Variants in TRMT13 observed in about 807,000 individuals in gnomAD.
TRMT13 encodes the protein tRNA:m(4)X modification enzyme TRM13 homolog.
A neutral mutation model predicts 55.9 loss-of-function variants in TRMT13; 45 were observed. The observed-to-expected ratio is 0.80, with a 90% confidence interval of 0.63 to 1.03. The LOEUF (loss-of-function observed/expected upper bound fraction) is 1.03. TRMT13 is among the 50% of genes least tolerant of loss of function. The pLI, the probability that TRMT13 is intolerant of heterozygous loss-of-function variation, is 0.00. For missense variants in TRMT13, 513 were observed against 563.9 expected (o/e 0.91, Z 0.91); for synonymous variants, 183 against 196.3 (o/e 0.93, Z 0.57).
chr1:100,144,343 T>C, intron 9 of TRMT13, 200 bp downstream of exon 9: 1 of 488,932 alleles, frequency 2.0e-6, no homozygotes, highest in Non-Finnish European at 3.6e-6. Flanking sequence ...CAGGATGAAT[T>C]AAGAGTTTTG....
Position 100,136,947 on chromosome 1 carries a change from C to CA in TRMT13, c.194+19_194+20insA, listed in dbSNP as rs754849564. Reference sequence around the variant, plus strand: ...CAAAACAGTAAGTGTGGATCAGATACGGGTTTTTTTTTGTGCTGGAAACAG... The same window carrying CA: ...CAAAACAGTAAGTGTGGATCAGATACAGGGTTTTTTTTTGTGCTGGAAACAG... On this transcript the variant is annotated intron_variant, in intron 2 of 10. Transcript: ENST00000370141. The CA allele has an allele frequency of 2.5e-6, 4 of 1,599,994 alleles. No homozygotes were observed. The South Asian group carries it at 4.6e-5, about 18-fold the overall frequency.
intron 3 of TRMT13, among the ~76,000 whole-genome samples, chr1:100,138,435 C>CCAGTAAAACATTGTAATTCCTG (rs1200990815): frequency 6.6e-6 from 1 of 152,120 alleles, no homozygotes; most frequent in African/African-American, 2.4e-5. Flanking sequence ...TTTCCGTTAT[C>CCAGTAAAACATTGTAATTCCTG]CAGTAAAACA....
At chr1:100,135,098 A>G (rs1251913426) in intron 1 of TRMT13, among the ~76,000 whole-genome samples, 2 of 152,164 alleles carry the variant, frequency 1.3e-5, no homozygotes, top group Non-Finnish European at 2.9e-5. Flanking sequence ...CATCTAATGG[A>G]TAGAGACCAG....
At chr1:100,139,880 TCATG>T (rs1656377485) in intron 4 of TRMT13, among the ~76,000 whole-genome samples, 169 bp downstream of exon 4, 1 of 152,222 alleles carries the variant, frequency 6.6e-6, no homozygotes, top group South Asian at 2.1e-4. Flanking sequence ...CCAGACCAGC[TCATG>T]CCCCATAACA....
rs975753463 is a variant in TRMT13, at chr1:100,139,811, T to C, written c.324+100T>C. On this transcript the variant is annotated intron_variant, in intron 4 of 10. Coordinates refer to ENST00000370141, the MANE Select transcript of TRMT13 (RefSeq NM_019083.3). ...CTAATTTTTGTCTCAAGTCTGTTTTTAATTTAGAATGCATTTTCCTGTAGA... is the reference window on the plus strand; with the variant it reads ...CTAATTTTTGTCTCAAGTCTGTTTTCAATTTAGAATGCATTTTCCTGTAGA... The C allele has an allele frequency of 1.3e-5, 10 of 756,624 alleles. 1 individual carries two copies. The highest frequency in any genetic ancestry group is 3.9e-4 in the Middle Eastern group (1 of 2,540). 46.9% of individuals were successfully genotyped at this position (756,624 alleles called of 1,614,324 possible).
chr1:100,148,172 C>A lies in TRMT13; in HGVS notation c.1096C>A (p.Arg366=). 6.2e-7 allele frequency: 1 copy of A among 1,614,070 alleles called. No individual in the cohort carries two copies. Among genetic ancestry groups the A allele is most frequent in the Non-Finnish European group, 8.5e-7 (1 of 1,180,024 alleles). ...LGAVEFHYFQ[R]MSSWATCGMR... Reference sequence around the variant, plus strand: ...AGCAGTGGAATTCCATTATTTCCAGCGAATGAGTAGTTGGGCAACTTGTGG... The same window carrying A: ...AGCAGTGGAATTCCATTATTTCCAGAGAATGAGTAGTTGGGCAACTTGTGG... The change falls in exon 10 of 11, where the codon CGA becomes AGA. Residue 366 remains arginine (R), a synonymous_variant. Coordinates refer to ENST00000370141, the MANE Select transcript of TRMT13 (RefSeq NM_019083.3).
chr1:100,145,990 G>C (rs1657205268), intron 9 of TRMT13, among the ~76,000 whole-genome samples: 1 of 152,110 alleles, frequency 6.6e-6, no homozygotes, highest in African/African-American at 2.4e-5. Context: ...TCTCAATCTG[G>C]CTTCAGCCTT....
At position 100,149,701 on chromosome 1, in the gene TRMT13, A is replaced by T. The variant is rs1189165346; in HGVS notation, c.*881A>T. The T allele has an allele frequency of 3.6e-6, 1 of 280,760 alleles. No homozygotes were observed. Among genetic ancestry groups the T allele is most frequent in the Admixed American group, 5.5e-5 (1 of 18,056 alleles). 17.4% of individuals were successfully genotyped at this position (280,760 alleles called of 1,614,324 possible). On this transcript the variant is annotated 3_prime_UTR_variant, in exon 11 of 11. Coordinates refer to ENST00000370141, the MANE Select transcript of TRMT13 (RefSeq NM_019083.3). ...AAAAACCTTCTCAAATTTAGGCCTT[A>T]TTTAACTCATGACTGGTTTCTATGC... is the stretch of plus-strand genomic sequence containing the variant.
chr1:100,141,129 A>C, intron 7 of TRMT13, 110 bp downstream of exon 7: 1 of 1,055,806 alleles, frequency 9.5e-7, no homozygotes. Flanking sequence ...AATTTTCTTT[A>C]TCTGTTTGTT....
chr1:100,139,725 C>T lies in TRMT13; in HGVS notation c.324+14C>T. ...CCTGAACAATTAGTAAGTACATTGA[C>T]TTAATATTTAATTTTAAAAGATATT... On this transcript the variant is annotated intron_variant, in intron 4 of 10. Transcript: ENST00000370141. 2.8e-6 allele frequency: 4 copies of T among 1,424,780 alleles called. No individual in the cohort carries two copies. The highest frequency in any genetic ancestry group is 3.9e-6 in the Non-Finnish European group (4 of 1,025,422). The allele number at this position is 1,424,780 out of a possible 1,614,324, so 88.3% of individuals were successfully genotyped here.
In TRMT13 at chr1:100,149,457, T is replaced by G. The variant is rs1210299465; in HGVS notation, c.*637T>G. On this transcript the variant is annotated 3_prime_UTR_variant, in exon 11 of 11. Transcript: ENST00000370141. Reference sequence around the variant, plus strand: ...AGAGCTGTTTTCAAAGAAAAAAGATTATTTCACTTAATTATTTTGTTGGAT... The same window carrying G: ...AGAGCTGTTTTCAAAGAAAAAAGATGATTTCACTTAATTATTTTGTTGGAT... 2.6e-6 allele frequency: 4 copies of G among 1,532,720 alleles called. No individual in the cohort carries two copies. Among genetic ancestry groups the G allele is most frequent in the Non-Finnish European group, 2.6e-6 (3 of 1,140,294 alleles). 94.9% of individuals were successfully genotyped at this position (1,532,720 alleles called of 1,614,324 possible). A position where few individuals can be genotyped will look rare whatever the true frequency, so the allele number is the denominator to read the frequency against.
intron 1 of TRMT13, among the ~76,000 whole-genome samples, chr1:100,135,003 G>A (rs1655621142): frequency 6.6e-6 from 1 of 152,060 alleles, no homozygotes; most frequent in African/African-American, 2.4e-5. Flanking sequence ...TTACCCAGTG[G>A]TTCTCGACTG....
rs781384174 is a variant in TRMT13 at position 100,140,948 on chromosome 1, G to A, written c.598G>A (p.Val200Ile). The change falls in exon 7 of 11, where the codon GTT becomes ATT. Residue 200 changes from valine (V) to isoleucine (I), a missense_variant. Val to Ile is a conservative substitution (Grantham distance 29). Around this residue, in one of 3 missense-constraint regions of TRMT13, gnomAD observed 298 missense variants for 290.3 expected, o/e 1.03. Coordinates refer to ENST00000370141, the MANE Select transcript of TRMT13 (RefSeq NM_019083.3). The part of the protein sequence containing the change: ...GAGKGKLSHW[V>I]DIALKDAEKV... ...GGGAAAGGGAAAATTATCTCATTGGGTTGATATTGCCTTAAAAGATGCTGA... is the reference window on the plus strand; with the variant it reads ...GGGAAAGGGAAAATTATCTCATTGGATTGATATTGCCTTAAAAGATGCTGA... The A allele has an allele frequency of 2.5e-6, 4 of 1,613,688 alleles. No individual in the cohort carries two copies. In the African/African-American group the frequency reaches 5.3e-5, roughly 22 times the overall value.
Position 100,145,088 on chromosome 1 carries a change from T to C in TRMT13, c.817+945T>C, listed in dbSNP as rs147421740. On this transcript the variant is annotated intron_variant, in intron 9 of 10. Transcript: ENST00000370141. Reference sequence around the variant, plus strand: ...TTTAGATACACAAATACCATTGTGTTACAGTTGCCTACAGTATTCAGTAAC... The same window carrying C: ...TTTAGATACACAAATACCATTGTGTCACAGTTGCCTACAGTATTCAGTAAC... 6.6e-3 allele frequency among the ~76,000 whole-genome samples: 1,006 copies of C among 152,340 alleles called. 9 individuals carry two copies. The highest frequency in any genetic ancestry group is 0.023 in the African/African-American group (941 of 41,572).
intron 1 of TRMT13, among the ~76,000 whole-genome samples, chr1:100,134,799 T>C (rs1245732982): frequency 2.6e-5 from 4 of 152,218 alleles, no homozygotes; most frequent in Non-Finnish European, 5.9e-5. Flanking sequence ...AGTATTCCTA[T>C]AGAGGAACGA....
chr1:100,139,822 G>T, intron 4 of TRMT13, 111 bp downstream of exon 4: 1 of 697,786 alleles, frequency 1.4e-6, no homozygotes, highest in Non-Finnish European at 2.4e-6. Context: ...AATTTAGAAT[G>T]CATTTTCCTG....
chr1:100,135,280 G>A (rs1434151062), intron 1 of TRMT13, among the ~76,000 whole-genome samples: 3 of 151,904 alleles, frequency 2.0e-5, no homozygotes, highest in Non-Finnish European at 2.9e-5. Context: ...TAGGCTCTGG[G>A]GGTTAGAATA....
chr1:100,139,782 T>G, intron 4 of TRMT13, 71 bp downstream of exon 4: 1 of 977,854 alleles, frequency 1.0e-6, no homozygotes, highest in South Asian at 1.6e-5. Flanking sequence ...GAATAAGGCA[T>G]GTTCTAATTT....
At position 100,148,276 on chromosome 1, in the gene TRMT13, T is replaced by C. The variant is rs761111782; in HGVS notation, c.1200T>C (p.His400=). ...QDNQNDDSEE[H]DDGGYRITDD... ...ATCAGAATGATGATAGTGAAGAGCA[T>C]GATGATGGAGGATACAGAATCACAG... Residue 400 remains histidine, a synonymous_variant, in exon 10 of 11, where the codon CAT becomes CAC. Transcript: ENST00000370141. 5 of 1,613,924 alleles carry C rather than the reference T, an allele frequency of 3.1e-6. No homozygotes were observed. In the South Asian group the frequency reaches 3.3e-5, roughly 11 times the overall value.
Sources: gnomAD v4.1 joint callset for allele counts (sites outside exome capture counted in the v4.1 genomes callset) on GRCh38, gnomAD v4.1.1 for gene constraint, gnomAD v4.1.1 regional missense constraint, MANE v1.5 for transcripts, NCBI Gene and HGNC (gene_info 2026-07-23, HGNC 2026-07-21) for gene names.